SLC25A21: variants seen among roughly 807,000 people sequenced by gnomAD.
The protein encoded by SLC25A21 is mitochondrial 2-oxodicarboxylate carrier.
Under a neutral mutation model 43.8 loss-of-function variants are expected in SLC25A21, and 47 were observed. That is an observed-to-expected ratio of 1.07 (90% CI 0.85 to 1.37). SLC25A21 has a LOEUF of 1.37. SLC25A21 is among the 40% of genes most tolerant of loss of function. The pLI is 0.00. For missense variants in SLC25A21, 352 were observed against 350.2 expected, an observed-to-expected ratio of 1.00 and a Z score of -0.04; for synonymous variants, 131 against 121.3, an observed-to-expected ratio of 1.08 and a Z score of -0.52.
At chr14:36,745,303 T>C (rs1337928819) in intron 3 of SLC25A21, among the ~76,000 whole-genome samples, 2 of 152,164 alleles carry the variant, frequency 1.3e-5, no homozygotes, top group East Asian at 3.8e-4. Context: ...ACAATAAACA[T>C]ACGTGTGCAT....
intron 1 of SLC25A21, among the ~76,000 whole-genome samples, chr14:37,011,451 T>C (rs1055981719): frequency 5.3e-5 from 8 of 152,248 alleles, no homozygotes; most frequent in African/African-American, 7.2e-5. Context: ...GAAAAACTTC[T>C]ATAGGAATAA....
intron 1 of SLC25A21, among the ~76,000 whole-genome samples, chr14:36,902,777 G>A (rs1188562243): frequency 6.6e-6 from 1 of 152,002 alleles, no homozygotes; most frequent in Non-Finnish European, 1.5e-5. Context: ...TGGGACAATT[G>A]CTTGAGGCCA....
chr14:36,775,655 C>A (rs1181628356), intron 3 of SLC25A21, among the ~76,000 whole-genome samples: 6 of 152,118 alleles, frequency 3.9e-5, no homozygotes, highest in East Asian at 1.9e-4. Flanking sequence ...TAGTTCATAA[C>A]CGAGCAACCA....
In SLC25A21 at chr14:36,810,195, C is replaced by T. The variant is rs534777496; in HGVS notation, c.203+3723G>A. Among the ~76,000 whole-genome samples the T allele has an allele frequency of 2.0e-5, 3 of 152,224 alleles. No individual in the cohort carries two copies. In the East Asian group the frequency reaches 5.8e-4, roughly 29 times the overall value. On this transcript the variant is annotated intron_variant, in intron 3 of 9. Coordinates refer to ENST00000331299, the MANE Select transcript of SLC25A21 (RefSeq NM_030631.4). The stretch of plus-strand genomic sequence containing the variant: ...ATCACAGGAAGAATGTCAATTTGCT[C>T]TAGAAGCAATTATACATACAGTATA...
intron 1 of SLC25A21, among the ~76,000 whole-genome samples, chr14:37,140,300 G>T: frequency 6.6e-6 from 1 of 152,144 alleles, no homozygotes; most frequent in Middle Eastern, 3.2e-3. Context: ...AATTCCTTAA[G>T]GGCAAGAACT....
intron 7 of SLC25A21, among the ~76,000 whole-genome samples, chr14:36,704,094 G>A (rs546139583): frequency 6.6e-6 from 1 of 152,052 alleles, no homozygotes; most frequent in African/African-American, 2.4e-5. Context: ...CCTTCAATAG[G>A]AACAGCTAGC....
chr14:36,835,648 C>T (rs1455445901), intron 2 of SLC25A21, among the ~76,000 whole-genome samples: 4 of 152,180 alleles, frequency 2.6e-5, no homozygotes, highest in African/African-American at 7.2e-5. Flanking sequence ...CACAAGGACC[C>T]TAATATCTTC....
At chr14:36,994,931 T>A (rs530560517) in intron 1 of SLC25A21, among the ~76,000 whole-genome samples, 1 of 152,334 alleles carries the variant, frequency 6.6e-6, no homozygotes, top group South Asian at 2.1e-4. Context: ...ATTTCTATCC[T>A]TCCTCCACTG....
At chr14:36,725,211 C>G (rs985747839) in intron 6 of SLC25A21, 1 of 153,094 alleles carries the variant, frequency 6.5e-6, no homozygotes, top group Non-Finnish European at 1.5e-5. Flanking sequence ...TGGTGGCTCA[C>G]GCCTGCAATC....
At chr14:36,682,458 T>C (rs1882320378) in intron 9 of SLC25A21, among the ~76,000 whole-genome samples, 1 of 152,146 alleles carries the variant, frequency 6.6e-6, no homozygotes, top group Admixed American at 6.5e-5. Context: ...CAGCCAAACA[T>C]TTGCAAGCCT....
intron 1 of SLC25A21, among the ~76,000 whole-genome samples, chr14:36,891,849 A>ATATT (rs1445675869): frequency 6.6e-6 from 1 of 152,174 alleles, no homozygotes; most frequent in African/African-American, 2.4e-5. Flanking sequence ...GACAAAGAAT[A>ATATT]GTCTAGGGGA....
chr14:37,138,443 G>A (rs1963519258), intron 1 of SLC25A21, among the ~76,000 whole-genome samples: 1 of 152,024 alleles, frequency 6.6e-6, no homozygotes, highest in African/African-American at 2.4e-5. Context: ...AAAATGTGAA[G>A]ATTTTCATTG....
intron 2 of SLC25A21, among the ~76,000 whole-genome samples, chr14:36,831,120 T>C (rs754421547): frequency 1.1e-4 from 16 of 152,202 alleles, no homozygotes; most frequent in Non-Finnish European, 1.8e-4. Flanking sequence ...GTAAAATCCA[T>C]AAAGATTTAA....
intron 1 of SLC25A21, among the ~76,000 whole-genome samples, chr14:36,929,053 A>T (rs1892213203): frequency 6.6e-6 from 1 of 152,192 alleles, no homozygotes; most frequent in African/African-American, 2.4e-5. Context: ...TGATATAAGG[A>T]CTAGCTACAT....
chr14:36,767,604 G>A (rs890934342), intron 3 of SLC25A21, among the ~76,000 whole-genome samples: 2 of 152,186 alleles, frequency 1.3e-5, no homozygotes, highest in African/African-American at 4.8e-5. Context: ...TTGAAAAGTT[G>A]GAGTGAGTCA....
chr14:37,060,477 G>A (rs10136238), intron 1 of SLC25A21, among the ~76,000 whole-genome samples: 6 of 150,654 alleles, frequency 4.0e-5, no homozygotes, highest in Non-Finnish European at 8.9e-5. Flanking sequence ...GAATTAAAAG[G>A]AGAAGTTGAA....
intron 2 of SLC25A21, among the ~76,000 whole-genome samples, chr14:36,817,786 C>T (rs991963936): frequency 6.6e-6 from 1 of 152,106 alleles, no homozygotes; most frequent in East Asian, 1.9e-4. Flanking sequence ...TGGTCAGAGA[C>T]CTCAGCTTTG....
At chr14:36,689,427 T>C (rs752848308) in intron 7 of SLC25A21, among the ~76,000 whole-genome samples, 7 of 151,252 alleles carry the variant, frequency 4.6e-5, no homozygotes, top group Non-Finnish European at 1.0e-4. Context: ...AGTGTGTCTG[T>C]TGATTTTATT....
chr14:36,693,095 G>A lies in SLC25A21; in HGVS notation c.604-8170C>T, dbSNP rs116339848. Among the ~76,000 whole-genome samples, 1,012 of 152,342 alleles carry A rather than the reference G, an allele frequency of 6.6e-3. 14 individuals carry two copies. Among genetic ancestry groups the A allele is most frequent in the African/African-American group, 0.023 (971 of 41,572 alleles). Reference sequence around the variant, plus strand: ...GCTGCAAGCTGGAGGTGGTACCTACGTGAAGCTCATGCATGAAGGAACTGC... The same window carrying A: ...GCTGCAAGCTGGAGGTGGTACCTACATGAAGCTCATGCATGAAGGAACTGC... On this transcript the variant is annotated intron_variant, in intron 7 of 9. Transcript: ENST00000331299.
Sources: gnomAD v4.1 joint callset for allele counts (sites outside exome capture counted in the v4.1 genomes callset) on GRCh38, gnomAD v4.1.1 for gene constraint, MANE v1.5 for transcripts, NCBI Gene and HGNC (gene_info 2026-07-23, HGNC 2026-07-21) for gene names.